Variants in IGSF21 observed in about 807,000 individuals in gnomAD.
IGSF21 encodes immunoglobin superfamily member 21.
IGSF21 carries 28 observed loss-of-function variants against 46.8 expected under a neutral mutation model. The ratio of observed to expected loss-of-function variants is 0.60; its 90% CI spans 0.44 to 0.82. The LOEUF is 0.82. Among genes scored for constraint, IGSF21 ranks in the 40% least tolerant of loss-of-function variants. The pLI is 0.00. For missense variants in IGSF21, 624 were observed against 665.5 expected (o/e 0.94, Z 0.69); for synonymous variants, 284 against 273.6 (o/e 1.04, Z -0.38).
chr1:18,221,812 G>A (rs542559271), intron 1 of IGSF21, among the ~76,000 whole-genome samples: 1 of 152,256 alleles, frequency 6.6e-6, no homozygotes, highest in East Asian at 1.9e-4. Context: ...TGGTGGCTGA[G>A]TAATTGGTGG....
intron 3 of IGSF21, among the ~76,000 whole-genome samples, chr1:18,314,998 C>A (rs900565832): frequency 6.6e-6 from 1 of 152,078 alleles, no homozygotes; most frequent in East Asian, 1.9e-4. Flanking sequence ...ATGATTGGTG[C>A]ATGAGTTGGG....
chr1:18,341,421 G>A (rs975753234), intron 4 of IGSF21, among the ~76,000 whole-genome samples: 1 of 152,036 alleles, frequency 6.6e-6, no homozygotes, highest in Non-Finnish European at 1.5e-5. Context: ...CATCTTCAGG[G>A]ACATAATTCA....
chr1:18,157,233 C>T (rs924703493), intron 1 of IGSF21, among the ~76,000 whole-genome samples: 1 of 152,200 alleles, frequency 6.6e-6, no homozygotes, highest in South Asian at 2.1e-4. Context: ...CCTGGTGCCT[C>T]GTGGAATTTC....
rs1262314218 is a variant in IGSF21 at position 18,378,372 on chromosome 1, C to G, written c.*46C>G. On this transcript the variant is annotated 3_prime_UTR_variant, in exon 10 of 10. Transcript: ENST00000251296. ...CCATCAGGCACTGACATCTCCACGA[C>G]CGGTTTTCATTTCTTTTCTAAACTA... 6.8e-7 allele frequency: 1 copy of G among 1,463,050 alleles called. No homozygotes were observed. Among genetic ancestry groups the G allele is most frequent in the Non-Finnish European group, 9.5e-7 (1 of 1,049,124 alleles). 90.6% of individuals were successfully genotyped at this position (1,463,050 alleles called of 1,614,324 possible).
intron 1 of IGSF21, among the ~76,000 whole-genome samples, chr1:18,116,123 C>T (rs532259603): frequency 6.6e-6 from 1 of 152,286 alleles, no homozygotes; most frequent in South Asian, 2.1e-4. Flanking sequence ...CACACCCAGG[C>T]ATTGATTTGC....
chr1:18,378,165 C>A, intron 9 of IGSF21, 91 bp from the exon 10 acceptor site: 1 of 1,060,140 alleles, frequency 9.4e-7, no homozygotes, highest in Non-Finnish European at 1.4e-6. Flanking sequence ...ATGCTGAAAT[C>A]CAGCGTCTTT....
At chr1:18,227,175 G>A (rs563758328) in intron 1 of IGSF21, among the ~76,000 whole-genome samples, 72 of 152,294 alleles carry the variant, frequency 4.7e-4, no homozygotes, top group Non-Finnish European at 8.2e-4. Context: ...CATGGCCAAG[G>A]CTTGGACCCG....
At chr1:18,180,324 T>TGAAA (rs1259681127) in intron 1 of IGSF21, among the ~76,000 whole-genome samples, 1 of 152,184 alleles carries the variant, frequency 6.6e-6, no homozygotes, top group Admixed American at 6.5e-5. Flanking sequence ...AATGAATGAA[T>TGAAA]GAAACATGTC....
At chr1:18,250,810 G>T (rs904857516) in intron 2 of IGSF21, among the ~76,000 whole-genome samples, 1 of 152,150 alleles carries the variant, frequency 6.6e-6, no homozygotes, top group Non-Finnish European at 1.5e-5. Flanking sequence ...GGATGTAATG[G>T]TGAATAAGAC....
chr1:18,225,085 T>TCTCTCTCTCTCTCTCTCACACACACG, intron 1 of IGSF21, among the ~76,000 whole-genome samples: 2 of 51,582 alleles, frequency 3.9e-5, no homozygotes, highest in Admixed American at 2.1e-4. Flanking sequence ...TCTCTCTCTC[T>TCTCTCTCTCTCTCTCTCACACACACG]CACACACACA....
chr1:18,367,404 T>C (rs1457117642), intron 6 of IGSF21, among the ~76,000 whole-genome samples: 5 of 152,078 alleles, frequency 3.3e-5, no homozygotes, highest in African/African-American at 7.2e-5. Flanking sequence ...GAGGCTCAAG[T>C]TGGTAGAGTA....
At chr1:18,164,128 C>A (rs1357614676) in intron 1 of IGSF21, among the ~76,000 whole-genome samples, 1 of 152,120 alleles carries the variant, frequency 6.6e-6, no homozygotes, top group African/African-American at 2.4e-5. Context: ...TTCTACATGG[C>A]ATGTATTATG....
intron 3 of IGSF21, among the ~76,000 whole-genome samples, chr1:18,310,743 A>G (rs1237355038): frequency 2.0e-5 from 3 of 152,176 alleles, no homozygotes; most frequent in African/African-American, 4.8e-5. Context: ...CAAGGCTAGA[A>G]GTCTGAAATC....
At chr1:18,362,633 G>A (rs761056213) in intron 5 of IGSF21, among the ~76,000 whole-genome samples, 5 of 152,132 alleles carry the variant, frequency 3.3e-5, no homozygotes, top group African/African-American at 4.8e-5. Context: ...TCTCAAGTCC[G>A]TGTCTCAAGC....
intron 1 of IGSF21, among the ~76,000 whole-genome samples, chr1:18,127,535 G>T (rs976090878): frequency 6.6e-6 from 1 of 152,006 alleles, no homozygotes; most frequent in Admixed American, 6.5e-5. Context: ...GTCTGAATGA[G>T]AGCTGAGCCA....
At chr1:18,210,730 C>A (rs1326599517) in intron 1 of IGSF21, among the ~76,000 whole-genome samples, 2 of 152,162 alleles carry the variant, frequency 1.3e-5, no homozygotes, top group Non-Finnish European at 2.9e-5. Context: ...GGTTCCTGCA[C>A]ACCAGATGCC....
intron 2 of IGSF21, among the ~76,000 whole-genome samples, chr1:18,229,466 C>T (rs950237024): frequency 3.3e-5 from 5 of 152,222 alleles, no homozygotes; most frequent in South Asian, 2.1e-4. Flanking sequence ...TTTGCATTTT[C>T]GGTCTCTGAT....
intron 4 of IGSF21, among the ~76,000 whole-genome samples, chr1:18,349,432 G>A (rs1449967396): frequency 1.3e-5 from 2 of 152,164 alleles, no homozygotes; most frequent in Non-Finnish European, 1.5e-5. Context: ...AGGGCATCAG[G>A]AAGGCTTCAT....
chr1:18,376,094 C>G, intron 6 of IGSF21: 5 of 520,058 alleles, frequency 9.6e-6, no homozygotes, highest in Non-Finnish European at 1.8e-5. Context: ...CCTTGACTCC[C>G]CAGGTCCTAG....
Sources: gnomAD v4.1 joint callset for allele counts (sites outside exome capture counted in the v4.1 genomes callset) on GRCh38, gnomAD v4.1.1 for gene constraint, MANE v1.5 for transcripts, NCBI Gene and HGNC (gene_info 2026-07-23, HGNC 2026-07-21) for gene names.